The following CD9 variants were observed in gnomAD, a reference collection of about 807,000 sequenced individuals.
CD9 encodes CD9 molecule, also known as CD9 antigen.
In CD9, 10 loss-of-function variants were observed where a neutral mutation model predicts 31.4. The observed-to-expected ratio is 0.32, with a 90% CI of 0.20 to 0.54. The LOEUF (loss-of-function observed/expected upper bound fraction) is 0.54. Ranked by LOEUF, CD9 falls within the 20% of genes least tolerant of loss-of-function variation. The pLI is 0.94. For synonymous variants in CD9, 113 were observed against 114.1 expected (o/e 0.99, Z 0.06); for missense variants, 259 against 300.1 (o/e 0.86, Z 1.01).
At chr12:6,207,428 C>T (rs1321089603) in intron 1 of CD9, among the ~76,000 whole-genome samples, 1 of 152,236 alleles carries the variant, frequency 6.6e-6, no homozygotes. Flanking sequence ...TCAGCTTAAT[C>T]ATTGCCTAAG....
At chr12:6,219,964 G>A (rs543017515) in intron 1 of CD9, among the ~76,000 whole-genome samples, 11 of 152,308 alleles carry the variant, frequency 7.2e-5, no homozygotes, top group Admixed American at 4.6e-4. Context: ...ATGACCATCC[G>A]TCCAAAGCAT....
intron 2 of CD9, among the ~76,000 whole-genome samples, chr12:6,231,652 A>G (rs1259243079): frequency 6.6e-6 from 1 of 152,214 alleles, no homozygotes; most frequent in African/African-American, 2.4e-5. Context: ...TTTGTGTCCC[A>G]GGAATTTGCA....
At chr12:6,228,877 T>G (rs1310724775) in intron 2 of CD9, among the ~76,000 whole-genome samples, 1 of 152,248 alleles carries the variant, frequency 6.6e-6, no homozygotes, top group Non-Finnish European at 1.5e-5. Flanking sequence ...CAGGCCAGCC[T>G]GACCATGCAG....
At chr12:6,218,886 G>C (rs1347182597) in intron 1 of CD9, among the ~76,000 whole-genome samples, 4 of 152,284 alleles carry the variant, frequency 2.6e-5, no homozygotes, top group African/African-American at 9.6e-5. Flanking sequence ...ATAAGCCCCA[G>C]GTGACCAGCT....
intron 6 of CD9, 32 bp from the exon 7 acceptor site, chr12:6,236,160 G>C (rs149361880): frequency 6.2e-7 from 1 of 1,613,438 alleles, no homozygotes; most frequent in Admixed American, 1.7e-5. Flanking sequence ...GAAGGATTGT[G>C]TGTGACCCAG....
chr12:6,205,379 A>G (rs1183059399), intron 1 of CD9, among the ~76,000 whole-genome samples: 1 of 152,200 alleles, frequency 6.6e-6, no homozygotes, highest in Non-Finnish European at 1.5e-5. Flanking sequence ...CGTGGCCCAC[A>G]GCACGATTCC....
At position 6,228,183 on chromosome 12, in the gene CD9, C is replaced by T. The variant is rs142814449; in HGVS notation, c.175+2649C>T. 7.9e-5 allele frequency among the ~76,000 whole-genome samples: 12 copies of T among 152,324 alleles called. No individual in the cohort carries two copies. The East Asian group carries it at 2.1e-3, about 27-fold the overall frequency. On this transcript the variant is annotated intron_variant, in intron 2 of 7. Coordinates refer to ENST00000009180, the MANE Select transcript of CD9 (RefSeq NM_001769.4). ...GAAGAGAGCGGAGCTTTGAAGACTT[C>T]GTTCTGCCTGCAGAAGCGCCGGCAA...
intron 1 of CD9, among the ~76,000 whole-genome samples, chr12:6,223,260 AC>A (rs1265275895): frequency 1.7e-5 from 2 of 115,454 alleles, no homozygotes; most frequent in Non-Finnish European, 3.4e-5. Flanking sequence ...TCACCTTTGT[AC>A]TTTTTTTTTT....
rs2136625347 is a variant in CD9, at chr12:6,225,407, T to C, written c.67-19T>C. ...TGCTGGCAGCCAGAATTAATGCTGA[T>C]GTCCTGTATGTCTTGCAGCTTGCCG... On this transcript the variant is annotated intron_variant, in intron 1 of 7. Coordinates refer to ENST00000009180, the MANE Select transcript of CD9 (RefSeq NM_001769.4). 6.5e-7 allele frequency: 1 copy of C among 1,533,522 alleles called. No individual in the cohort carries two copies. The highest frequency in any genetic ancestry group is 1.1e-5 in the South Asian group (1 of 89,494). The allele number at this position is 1,533,522 out of a possible 1,614,324, so 95.0% of individuals were successfully genotyped here.
At chr12:6,206,443 C>G (rs1295204119) in intron 1 of CD9, among the ~76,000 whole-genome samples, 5 of 152,070 alleles carry the variant, frequency 3.3e-5, no homozygotes, top group Admixed American at 3.3e-4. Context: ...AGGCTGGTCT[C>G]AAACTCCTAG....
intron 3 of CD9, chr12:6,233,074 C>G (rs530059915): frequency 1.1e-5 from 8 of 702,160 alleles, no homozygotes; most frequent in Non-Finnish European, 2.1e-5. Flanking sequence ...GGAGTGGATT[C>G]GCTCCCTTTA....
At chr12:6,228,525 C>CTCCA (rs1946398016) in intron 2 of CD9, among the ~76,000 whole-genome samples, 1 of 135,056 alleles carries the variant, frequency 7.4e-6, no homozygotes, top group African/African-American at 2.9e-5. Flanking sequence ...GAGGCTCTGT[C>CTCCA]TCCAGCCTGG....
At chr12:6,227,253 C>T (rs1449091732) in intron 2 of CD9, among the ~76,000 whole-genome samples, 3 of 151,788 alleles carry the variant, frequency 2.0e-5, no homozygotes, top group Non-Finnish European at 4.4e-5. Context: ...GGCTGGAGTG[C>T]AATGACACAA....
chr12:6,224,313 G>A (rs1286304327), intron 1 of CD9, among the ~76,000 whole-genome samples: 2 of 152,202 alleles, frequency 1.3e-5, no homozygotes, highest in African/African-American at 2.4e-5. Context: ...GCAGCCCCTC[G>A]TGGTGGAAGC....
rs566022909 is a variant in CD9 at position 6,221,526 on chromosome 12, A to G, written c.67-3900A>G. 1.1e-4 allele frequency among the ~76,000 whole-genome samples: 17 copies of G among 152,290 alleles called. No individual in the cohort carries two copies. The South Asian group carries it at 3.5e-3, about 32-fold the overall frequency. On this transcript the variant is annotated intron_variant, in intron 1 of 7. Transcript: ENST00000009180. ...TCAGCATGCCGCCATATGTCTGTTA[A>G]TTAACCTGGGTGGAAGCCATCGACC...
At chr12:6,205,256 G>A (rs1946118323) in intron 1 of CD9, among the ~76,000 whole-genome samples, 1 of 152,136 alleles carries the variant, frequency 6.6e-6, no homozygotes, top group African/African-American at 2.4e-5. Context: ...GATTTTGATG[G>A]TCTCTCCCCT....
rs950130247 is a variant in CD9, at chr12:6,237,781, A to C, written c.640A>C (p.Ser214Arg). ...AVVMIFGMIF[S>R]MILCCAIRRN... ...CTCCTAGATATTTGGCATGATCTTC[A>C]GTATGATCTTGTGCTGTGCTATCCG... The change falls in exon 8 of 8, where the codon AGT becomes CGT. Residue 214 changes from serine to arginine, a missense_variant. Physicochemically the swap from Ser to Arg is moderately radical, Grantham distance 110. Transcript: ENST00000009180. 1.2e-6 allele frequency: 2 copies of C among 1,613,292 alleles called. No homozygotes were observed. The highest frequency in any genetic ancestry group is 3.3e-5 in the Admixed American group (2 of 59,992).
intron 1 of CD9, among the ~76,000 whole-genome samples, chr12:6,218,701 G>C (rs1219709922): frequency 6.6e-6 from 1 of 152,158 alleles, no homozygotes; most frequent in Non-Finnish European, 1.5e-5. Context: ...TTCTGAACCT[G>C]TCCCTGCAGC....
At chr12:6,202,072 C>T (rs188828459) in intron 1 of CD9, among the ~76,000 whole-genome samples, 6 of 152,222 alleles carry the variant, frequency 3.9e-5, no homozygotes, top group African/African-American at 1.4e-4. Flanking sequence ...ACTTATTCCC[C>T]CTGGAGCTGG....
Sources: gnomAD v4.1 joint callset for allele counts (sites outside exome capture counted in the v4.1 genomes callset) on GRCh38, gnomAD v4.1.1 for gene constraint, MANE v1.5 for transcripts, NCBI Gene and HGNC (gene_info 2026-07-23, HGNC 2026-07-21) for gene names.